The following CLSTN1 variants were observed in gnomAD, a reference collection of about 807,000 sequenced individuals.
CLSTN1 encodes calsyntenin-1.
In CLSTN1, 28 loss-of-function variants were observed where a neutral mutation model predicts 108.3. That is an observed-to-expected ratio of 0.26 (90% CI 0.19 to 0.35). The LOEUF (loss-of-function observed/expected upper bound fraction) is 0.35. Ranked by LOEUF, CLSTN1 falls within the 10% of genes least tolerant of loss-of-function variation. The pLI, the probability that CLSTN1 is intolerant of heterozygous loss-of-function variation, is 1.00. For synonymous variants in CLSTN1, 524 were observed against 534.9 expected (o/e 0.98, Z 0.28); for missense variants, 1,157 against 1,302.6 (o/e 0.89, Z 1.72).
intron 10 of CLSTN1, among the ~76,000 whole-genome samples, chr1:9,740,031 T>C (rs941936427): frequency 6.6e-6 from 1 of 151,916 alleles, no homozygotes; most frequent in Non-Finnish European, 1.5e-5. Flanking sequence ...TTAGCCAGGA[T>C]GGTCTTGATC....
chr1:9,766,431 G>GACTTT (rs1652336074), intron 2 of CLSTN1, among the ~76,000 whole-genome samples: 1 of 152,184 alleles, frequency 6.6e-6, no homozygotes, highest in African/African-American at 2.4e-5. Context: ...GGCCAAGGCG[G>GACTTT]AGGATCACTT....
chr1:9,756,045 A>G lies in CLSTN1; in HGVS notation c.244+436T>C, dbSNP rs143734489. On this transcript the variant is annotated intron_variant, in intron 3 of 18. Transcript: ENST00000377298. ...GACACCAGCCTGGGAACTTCTCTACATCTAAATTGGCTCACAACTTAATTA... is the reference window on the plus strand; with the variant it reads ...GACACCAGCCTGGGAACTTCTCTACGTCTAAATTGGCTCACAACTTAATTA... Among the ~76,000 whole-genome samples, 387 of 152,302 alleles carry G rather than the reference A, an allele frequency of 2.5e-3. 3 individuals carry two copies. Among genetic ancestry groups the G allele is most frequent in the African/African-American group, 8.8e-3 (366 of 41,576 alleles).
At chr1:9,806,475 T>C (rs2101294688) in intron 1 of CLSTN1, among the ~76,000 whole-genome samples, 1 of 152,318 alleles carries the variant, frequency 6.6e-6, no homozygotes, top group Non-Finnish European at 1.5e-5. Flanking sequence ...GGGGCAAATG[T>C]CTGCTGAATG....
chr1:9,818,383 C>T (rs1262848611), intron 1 of CLSTN1, among the ~76,000 whole-genome samples: 3 of 151,124 alleles, frequency 2.0e-5, no homozygotes, highest in East Asian at 3.9e-4. Context: ...GGCTGGAGTG[C>T]GGCGGTGTGA....
intron 1 of CLSTN1, among the ~76,000 whole-genome samples, chr1:9,778,851 CT>C (rs1653093243): frequency 6.7e-6 from 1 of 149,954 alleles, no homozygotes; most frequent in Admixed American, 6.6e-5. Context: ...CCCGTCTGTA[CT>C]AAAAAAAAAA....
intron 1 of CLSTN1, among the ~76,000 whole-genome samples, chr1:9,794,265 C>A (rs1057128570): frequency 6.6e-6 from 1 of 151,452 alleles, no homozygotes; most frequent in African/African-American, 2.4e-5. Context: ...CAATGCCAAA[C>A]CACTATCAGA....
intron 17 of CLSTN1, 152 bp downstream of exon 17, chr1:9,731,609 C>A (rs959122787): frequency 2.2e-6 from 2 of 922,968 alleles, no homozygotes; most frequent in Admixed American, 4.6e-5. Flanking sequence ...CTGCCCTCTT[C>A]GAGGGCTTTA....
At position 9,758,516 on chromosome 1, in the gene CLSTN1, A is replaced by G. The variant is rs187732252; in HGVS notation, c.215-2006T>C. 3.7e-5 allele frequency among the ~76,000 whole-genome samples: 5 copies of G among 136,778 alleles called. No homozygotes were observed. In the East Asian group the frequency reaches 1.1e-3, roughly 31 times the overall value. 89.7% of individuals were successfully genotyped at this position (136,778 alleles called of 152,430 possible). A position where few individuals can be genotyped will look rare whatever the true frequency, so the allele number is the denominator to read the frequency against. Reference sequence around the variant, plus strand: ...TTTAGTAGAAATGGGATTTCACCATATTGGCCAGGCTGGTCTTGAACTCCT... The same window carrying G: ...TTTAGTAGAAATGGGATTTCACCATGTTGGCCAGGCTGGTCTTGAACTCCT... On this transcript the variant is annotated intron_variant, in intron 2 of 18. Transcript: ENST00000377298.
rs536015130 is a variant in CLSTN1, at chr1:9,730,413, C to T, written c.*95G>A. On this transcript the variant is annotated 3_prime_UTR_variant, in exon 19 of 19. Transcript: ENST00000377298. This position sits in a 1 kb window ranked among gnomAD's most constrained non-coding sequence, Gnocchi z 5.6. ...GGGAGGGGTCTGCACACCTACTGGC[C>T]GAAATGACTTTGTACATCGTGGACC... 66 of 1,237,062 alleles carry T rather than the reference C, an allele frequency of 5.3e-5. No homozygotes were observed. The South Asian group carries it at 7.2e-4, about 14-fold the overall frequency. 76.6% of individuals were successfully genotyped at this position (1,237,062 alleles called of 1,614,324 possible).
chr1:9,812,623 G>T (rs1026769830), intron 1 of CLSTN1, among the ~76,000 whole-genome samples: 1 of 152,120 alleles, frequency 6.6e-6, no homozygotes, highest in Non-Finnish European at 1.5e-5. Context: ...GAGGCGGGCA[G>T]AACACCTGAG....
At chr1:9,803,043 C>T (rs956315187) in intron 1 of CLSTN1, among the ~76,000 whole-genome samples, 1 of 152,024 alleles carries the variant, frequency 6.6e-6, no homozygotes, top group Admixed American at 6.6e-5. Flanking sequence ...AGGCTGGTCT[C>T]AAACTCCTGG....
intron 2 of CLSTN1, among the ~76,000 whole-genome samples, chr1:9,763,550 G>T (rs1258769951): frequency 6.6e-6 from 1 of 152,140 alleles, no homozygotes; most frequent in African/African-American, 2.4e-5. Flanking sequence ...AACCTAGCTG[G>T]CTGGTATGGA....
intron 2 of CLSTN1, among the ~76,000 whole-genome samples, chr1:9,767,504 C>T (rs1025152584): frequency 8.0e-5 from 12 of 150,476 alleles, no homozygotes; most frequent in African/African-American, 3.0e-4. Context: ...GAGATAGCAC[C>T]ACTGCACTCC....
intron 1 of CLSTN1, among the ~76,000 whole-genome samples, chr1:9,811,166 TGTC>T (rs1654739792): frequency 6.6e-6 from 1 of 152,150 alleles, no homozygotes; most frequent in African/African-American, 2.4e-5. Context: ...CAAACAGTAA[TGTC>T]GTAGTTGTTA....
intron 1 of CLSTN1, among the ~76,000 whole-genome samples, chr1:9,797,224 G>A (rs534160292): frequency 9.9e-5 from 15 of 152,250 alleles, no homozygotes; most frequent in Admixed American, 2.6e-4. Context: ...TCAGGCAAGA[G>A]GACCCTTGAG....
chr1:9,810,011 C>T (rs1439373995), intron 1 of CLSTN1, among the ~76,000 whole-genome samples: 1 of 129,184 alleles, frequency 7.7e-6, no homozygotes, highest in Non-Finnish European at 1.7e-5. Context: ...TGCACTCCAG[C>T]CTGGGCAACA....
chr1:9,797,723 T>C (rs1033590609), intron 1 of CLSTN1, among the ~76,000 whole-genome samples: 3 of 152,030 alleles, frequency 2.0e-5, no homozygotes, highest in Admixed American at 6.6e-5. Context: ...AGAGGAGGCT[T>C]GGCTAGGAAA....
chr1:9,736,473 G>A (rs558493004), intron 11 of CLSTN1, among the ~76,000 whole-genome samples: 65 of 152,244 alleles, frequency 4.3e-4, no homozygotes, highest in African/African-American at 7.9e-4. Flanking sequence ...CCACACAAGC[G>A]AGGCAGGGAG....
At chr1:9,741,488 AG>A (rs1320877793) in intron 9 of CLSTN1, among the ~76,000 whole-genome samples, 1 of 152,262 alleles carries the variant, frequency 6.6e-6, no homozygotes, top group Non-Finnish European at 1.5e-5. Context: ...CAGCCCAAGT[AG>A]GGAGCTGCCC....
Sources: gnomAD v4.1 joint callset for allele counts (sites outside exome capture counted in the v4.1 genomes callset) on GRCh38, gnomAD v4.1.1 for gene constraint, Gnocchi (gnomAD v3.1) non-coding constraint, MANE v1.5 for transcripts, NCBI Gene and HGNC (gene_info 2026-07-23, HGNC 2026-07-21) for gene names.